The following THSD4 variants were observed in gnomAD, a reference collection of about 807,000 sequenced individuals.
THSD4 encodes the protein thrombospondin type-1 domain-containing protein 4.
A neutral mutation model predicts 119.0 loss-of-function variants in THSD4; 69 were observed. That is an observed-to-expected ratio of 0.58 (90% confidence interval 0.48 to 0.71). The LOEUF (loss-of-function observed/expected upper bound fraction) is 0.71, where lower values mean the gene tolerates loss of function less well. Ranked by LOEUF, THSD4 falls within the 30% of genes least tolerant of loss-of-function variation. The pLI is 0.00. For missense variants in THSD4, 1,393 were observed against 1,391.1 expected (o/e 1.00, Z -0.02); for synonymous variants, 524 against 540.4 (o/e 0.97, Z 0.42).
chr15:71,659,531 C>A (rs2140994141), intron 7 of THSD4, among the ~76,000 whole-genome samples: 1 of 152,200 alleles, frequency 6.6e-6, no homozygotes, highest in Admixed American at 6.5e-5. Flanking sequence ...CCCACCTTAG[C>A]CTCCCTGAGT....
chr15:71,564,881 C>G (rs942007100), intron 7 of THSD4, among the ~76,000 whole-genome samples: 2 of 149,202 alleles, frequency 1.3e-5, no homozygotes, highest in African/African-American at 4.9e-5. Flanking sequence ...ATATAACATC[C>G]CCAGCAGGTT....
intron 7 of THSD4, among the ~76,000 whole-genome samples, chr15:71,463,001 A>G (rs1057150349): frequency 2.0e-5 from 3 of 152,176 alleles, no homozygotes; most frequent in African/African-American, 7.2e-5. Flanking sequence ...GCCATGTGAA[A>G]CTATTGGATT....
chr15:71,606,808 G>A (rs2050119294), intron 7 of THSD4, among the ~76,000 whole-genome samples: 2 of 152,204 alleles, frequency 1.3e-5, no homozygotes, highest in African/African-American at 4.8e-5. Flanking sequence ...CCAGAGTGCT[G>A]GGATTACAGG....
At chr15:71,516,831 A>G (rs964975411) in intron 7 of THSD4, among the ~76,000 whole-genome samples, 1 of 152,226 alleles carries the variant, frequency 6.6e-6, no homozygotes, top group South Asian at 2.1e-4. Flanking sequence ...AGTACATAAT[A>G]TATCTCACTT....
At chr15:71,590,617 T>G (rs1049195699) in intron 7 of THSD4, among the ~76,000 whole-genome samples, 1 of 149,362 alleles carries the variant, frequency 6.7e-6, no homozygotes, top group Non-Finnish European at 1.5e-5. Context: ...GCTTAATACC[T>G]GGGTGATGGG....
intron 6 of THSD4, among the ~76,000 whole-genome samples, chr15:71,397,312 C>T (rs1167517634): frequency 1.3e-5 from 2 of 152,210 alleles, no homozygotes; most frequent in Non-Finnish European, 2.9e-5. Context: ...CTAGTTAATT[C>T]ATACCTGTCT....
At chr15:71,201,467 A>G (rs1329820462) in intron 3 of THSD4, among the ~76,000 whole-genome samples, 1 of 152,214 alleles carries the variant, frequency 6.6e-6, no homozygotes, top group African/African-American at 2.4e-5. Flanking sequence ...CCATCTCTCC[A>G]AACTGGTACT....
rs185001914 is a variant in THSD4 at position 71,741,321 on chromosome 15, T to C, written c.1906+3314T>C. On this transcript the variant is annotated intron_variant, in intron 11 of 17. Coordinates refer to ENST00000261862, the MANE Select transcript of THSD4 (RefSeq NM_024817.3). ...GCCTGGCCAACGTGGCAAAAAACCC[T>C]GTCCTCACCAAAAATACAAAAATTA... Among the ~76,000 whole-genome samples, 17 of 152,142 alleles carry C rather than the reference T, an allele frequency of 1.1e-4. No individual in the cohort carries two copies. In the East Asian group the frequency reaches 3.3e-3, roughly 29 times the overall value.
At chr15:71,278,285 T>C (rs2044614301) in intron 6 of THSD4, among the ~76,000 whole-genome samples, 1 of 152,136 alleles carries the variant, frequency 6.6e-6, no homozygotes, top group African/African-American at 2.4e-5. Flanking sequence ...AGCCCTGATC[T>C]CCCTGGGGTC....
intron 6 of THSD4, among the ~76,000 whole-genome samples, chr15:71,385,941 A>C (rs2046289073): frequency 6.6e-6 from 1 of 152,184 alleles, no homozygotes; most frequent in Non-Finnish European, 1.5e-5. Context: ...ACTGTGTGTT[A>C]GTTTAAAGAA....
At chr15:71,321,290 C>T (rs965489854) in intron 6 of THSD4, among the ~76,000 whole-genome samples, 4 of 151,628 alleles carry the variant, frequency 2.6e-5, no homozygotes, top group Non-Finnish European at 4.4e-5. Context: ...AATCCCAGCA[C>T]TTTGGGAGGC....
At chr15:71,412,284 A>G (rs925017256) in intron 7 of THSD4, among the ~76,000 whole-genome samples, 2 of 152,182 alleles carry the variant, frequency 1.3e-5, no homozygotes, top group Non-Finnish European at 2.9e-5. Flanking sequence ...CTTTTATAGC[A>G]GAAGTTGTAC....
intron 8 of THSD4, among the ~76,000 whole-genome samples, chr15:71,727,761 C>A (rs1288180947): frequency 5.8e-5 from 3 of 51,626 alleles, no homozygotes; most frequent in Non-Finnish European, 1.1e-4. Flanking sequence ...TGGAGCAAGA[C>A]CCTGTCTCAA....
intron 7 of THSD4, among the ~76,000 whole-genome samples, chr15:71,598,284 A>G (rs1177683118): frequency 2.6e-5 from 4 of 152,176 alleles, no homozygotes; most frequent in Non-Finnish European, 4.4e-5. Context: ...AGCCCATGAT[A>G]CATTTGAAGA....
chr15:71,654,826 G>C (rs754224487), intron 7 of THSD4, among the ~76,000 whole-genome samples: 1 of 152,118 alleles, frequency 6.6e-6, no homozygotes, highest in African/African-American at 2.4e-5. Flanking sequence ...AAACAGTTGA[G>C]GTTACCCTAT....
At chr15:71,553,262 A>G (rs2048959860) in intron 7 of THSD4, among the ~76,000 whole-genome samples, 1 of 151,550 alleles carries the variant, frequency 6.6e-6, no homozygotes, top group Admixed American at 6.6e-5. Context: ...TGCATTTGCT[A>G]GAACTTCCAG....
At chr15:71,235,749 C>G (rs111348533) in intron 4 of THSD4, among the ~76,000 whole-genome samples, 5,405 of 152,188 alleles carry the variant, frequency 0.036, 351 homozygotes, top group African/African-American at 0.12. Flanking sequence ...CCCATCACGC[C>G]TGGCCAATTT....
At chr15:71,433,209 A>C (rs2046964927) in intron 7 of THSD4, among the ~76,000 whole-genome samples, 1 of 151,414 alleles carries the variant, frequency 6.6e-6, no homozygotes, top group African/African-American at 2.4e-5. Flanking sequence ...GCTTAAACTT[A>C]TGTTTAATAA....
At chr15:71,465,382 G>T (rs2047485831) in intron 7 of THSD4, among the ~76,000 whole-genome samples, 1 of 152,166 alleles carries the variant, frequency 6.6e-6, no homozygotes, top group Non-Finnish European at 1.5e-5. Context: ...TAATTAGGGT[G>T]GCTGTGAGAG....
Sources: gnomAD v4.1 joint callset for allele counts (sites outside exome capture counted in the v4.1 genomes callset) on GRCh38, gnomAD v4.1.1 for gene constraint, MANE v1.5 for transcripts, NCBI Gene and HGNC (gene_info 2026-07-23, HGNC 2026-07-21) for gene names.